CCDC148: variants seen among roughly 807,000 people sequenced by gnomAD.
CCDC148 encodes coiled-coil domain-containing protein 148.
A neutral mutation model predicts 85.7 loss-of-function variants in CCDC148; 89 were observed. That is an observed-to-expected ratio of 1.04 (90% CI 0.87 to 1.24). CCDC148 has a LOEUF of 1.24. CCDC148 is among the 50% of genes most tolerant of loss of function. The probability of loss-of-function intolerance (pLI) is 0.00; values close to 1 mark genes in which losing one functional copy is unlikely to be tolerated. For missense variants in CCDC148, 692 were observed against 671.7 expected (o/e 1.03, Z -0.33); for synonymous variants, 230 against 213.9 (o/e 1.08, Z -0.66).
chr2:158,277,182 T>C (rs1396065714), intron 9 of CCDC148, among the ~76,000 whole-genome samples: 2 of 152,206 alleles, frequency 1.3e-5, no homozygotes, highest in African/African-American at 4.8e-5. Flanking sequence ...TAGTTAGTTG[T>C]GCAAGTTGAA....
intron 10 of CCDC148, among the ~76,000 whole-genome samples, chr2:158,235,331 T>G (rs1302760101): frequency 6.6e-6 from 1 of 152,172 alleles, no homozygotes; most frequent in Non-Finnish European, 1.5e-5. Flanking sequence ...CTACATATAT[T>G]CCTATATAAC....
At chr2:158,224,882 G>A (rs950464743) in intron 10 of CCDC148, among the ~76,000 whole-genome samples, 35 of 152,084 alleles carry the variant, frequency 2.3e-4, no homozygotes, top group Non-Finnish European at 3.2e-4. Context: ...AGGCTAGGAA[G>A]AAACTGCATC....
intron 10 of CCDC148, among the ~76,000 whole-genome samples, chr2:158,228,303 A>G (rs1687663032): frequency 6.6e-6 from 1 of 152,188 alleles, no homozygotes; most frequent in Non-Finnish European, 1.5e-5. Context: ...AAAAGTCAGG[A>G]AACAACAAGT....
At chr2:158,297,833 T>C (rs1691260861) in intron 9 of CCDC148, among the ~76,000 whole-genome samples, 1 of 152,210 alleles carries the variant, frequency 6.6e-6, no homozygotes. Context: ...CAGACTGCCT[T>C]TGTGTGTGAC....
At chr2:158,432,528 G>A (rs1028151696) in intron 1 of CCDC148, among the ~76,000 whole-genome samples, 2 of 152,008 alleles carry the variant, frequency 1.3e-5, no homozygotes, top group Non-Finnish European at 2.9e-5. Context: ...GACACAAATA[G>A]CCAAAAATAA....
At chr2:158,373,165 G>A (rs1357153108) in intron 1 of CCDC148, among the ~76,000 whole-genome samples, 1 of 151,982 alleles carries the variant, frequency 6.6e-6, no homozygotes, top group African/African-American at 2.4e-5. Context: ...TGAGAAAGCA[G>A]GAAGGTTTGA....
At chr2:158,422,708 A>C (rs1252493157) in intron 1 of CCDC148, among the ~76,000 whole-genome samples, 1 of 152,196 alleles carries the variant, frequency 6.6e-6, no homozygotes, top group Non-Finnish European at 1.5e-5. Context: ...ACTCCTCTTC[A>C]ACATAGTATT....
chr2:158,344,393 C>T lies in CCDC148; in HGVS notation c.251+822G>A, dbSNP rs79921540. 7.4e-3 allele frequency among the ~76,000 whole-genome samples: 1,132 copies of T among 152,184 alleles called. 20 individuals are homozygous for T. Among genetic ancestry groups the T allele is most frequent in the African/African-American group, 0.026 (1,080 of 41,548 alleles). On this transcript the variant is annotated intron_variant, in intron 3 of 13. Coordinates refer to ENST00000283233, the MANE Select transcript of CCDC148 (RefSeq NM_138803.4). ...CCTGCCAGAATAAGAAACTCATCAA[C>T]ATGAAAAAGACCTAAGTCAAAAGTA...
intron 11 of CCDC148, among the ~76,000 whole-genome samples, chr2:158,195,092 T>A (rs1685605163): frequency 1.3e-5 from 2 of 152,014 alleles, no homozygotes; most frequent in Admixed American, 1.3e-4. Flanking sequence ...CATCAATGCC[T>A]ACATATGGAC....
chr2:158,216,578 T>C (rs1312536230), intron 11 of CCDC148, among the ~76,000 whole-genome samples: 1 of 151,774 alleles, frequency 6.6e-6, no homozygotes, highest in Non-Finnish European at 1.5e-5. Context: ...GCACAATACA[T>C]TTAATAATAT....
chr2:158,440,361 A>C (rs1257728502), intron 1 of CCDC148, among the ~76,000 whole-genome samples: 1 of 152,166 alleles, frequency 6.6e-6, no homozygotes, highest in Non-Finnish European at 1.5e-5. Flanking sequence ...GTACACCTCC[A>C]AAAAAACTGT....
chr2:158,420,444 A>C (rs1439893002), intron 1 of CCDC148, among the ~76,000 whole-genome samples: 4 of 152,204 alleles, frequency 2.6e-5, no homozygotes, highest in African/African-American at 9.6e-5. Flanking sequence ...AACATTCTTA[A>C]AGAAAAGAAT....
chr2:158,328,555 T>A (rs1205506419), intron 7 of CCDC148, among the ~76,000 whole-genome samples: 3 of 152,084 alleles, frequency 2.0e-5, no homozygotes, highest in African/African-American at 7.2e-5. Flanking sequence ...GGTCAAATGG[T>A]ATTTCTAGTT....
In CCDC148 at chr2:158,178,870, G is replaced by GA. The variant is rs1558959675; in HGVS notation, c.1488+8dup. ...AAACCACCCATGAAAATTTCCAAAT[G>GA]AAAAACACCTGTTTCCTAAGGGCTT... is the stretch of plus-strand genomic sequence containing the variant. On this transcript the variant is annotated intron_variant, in intron 12 of 13. Coordinates refer to ENST00000283233, the MANE Select transcript of CCDC148 (RefSeq NM_138803.4). 1 of 1,596,002 alleles carries GA rather than the reference G, an allele frequency of 6.3e-7. No homozygotes were observed. Among genetic ancestry groups the GA allele is most frequent in the Non-Finnish European group, 8.6e-7 (1 of 1,168,292 alleles).
chr2:158,406,394 G>A (rs188820215), intron 1 of CCDC148, among the ~76,000 whole-genome samples: 18 of 152,082 alleles, frequency 1.2e-4, no homozygotes, highest in Admixed American at 8.5e-4. Flanking sequence ...GGTCCTAGTG[G>A]GGGGCTGGGC....
At chr2:158,344,973 T>C (rs748551195) in intron 3 of CCDC148, among the ~76,000 whole-genome samples, 12 of 152,084 alleles carry the variant, frequency 7.9e-5, no homozygotes, top group Non-Finnish European at 1.8e-4. Flanking sequence ...AGTGTGGAAG[T>C]GATTGACACA....
intron 7 of CCDC148, among the ~76,000 whole-genome samples, chr2:158,324,986 C>T (rs183121232): frequency 2.0e-4 from 30 of 151,748 alleles, no homozygotes; most frequent in Non-Finnish European, 3.8e-4. Flanking sequence ...CTTACAACTC[C>T]AAGGCATCAT....
chr2:158,419,489 T>C (rs748741257), intron 1 of CCDC148, among the ~76,000 whole-genome samples: 2 of 152,182 alleles, frequency 1.3e-5, no homozygotes, highest in African/African-American at 4.8e-5. Flanking sequence ...ACTTCAGAGA[T>C]CCTGGCCTTG....
chr2:158,229,575 G>A (rs1687749362), intron 10 of CCDC148, among the ~76,000 whole-genome samples: 1 of 152,078 alleles, frequency 6.6e-6, no homozygotes, highest in South Asian at 2.1e-4. Context: ...CTCCATACCT[G>A]CTGCTATTTC....
Sources: gnomAD v4.1 joint callset for allele counts (sites outside exome capture counted in the v4.1 genomes callset) on GRCh38, gnomAD v4.1.1 for gene constraint, MANE v1.5 for transcripts, NCBI Gene and HGNC (gene_info 2026-07-23, HGNC 2026-07-21) for gene names.